Variants in AKAP8L observed in about 807,000 individuals in gnomAD.
AKAP8L encodes A-kinase anchoring protein 8 like.
AKAP8L carries 34 observed loss-of-function variants against 77.5 expected under a neutral mutation model. The observed-to-expected ratio is 0.44, with a 90% CI of 0.33 to 0.58. The LOEUF is 0.58. AKAP8L is among the 20% of genes least tolerant of loss of function. The pLI, the probability that AKAP8L is intolerant of heterozygous loss-of-function variation, is 0.02. For synonymous variants in AKAP8L, 342 were observed against 340.7 expected, an observed-to-expected ratio of 1.00 and a Z score of -0.04; for missense variants, 806 against 887.6, an observed-to-expected ratio of 0.91 and a Z score of 1.17.
At chr19:15,391,602 G>C (rs1051042221) in intron 12 of AKAP8L, among the ~76,000 whole-genome samples, 1 of 145,016 alleles carries the variant, frequency 6.9e-6, no homozygotes, top group Non-Finnish European at 1.5e-5. Context: ...GCAGTGGTGC[G>C]ATCTCAGCTC....
chr19:15,394,946 G>A (rs1967738131), intron 12 of AKAP8L, among the ~76,000 whole-genome samples: 1 of 132,854 alleles, frequency 7.5e-6, no homozygotes, highest in African/African-American at 3.0e-5. Context: ...GTTACCAGCT[G>A]CTATGGCTTG....
At chr19:15,392,158 T>A (rs573545849) in intron 12 of AKAP8L, among the ~76,000 whole-genome samples, 1 of 152,364 alleles carries the variant, frequency 6.6e-6, no homozygotes, top group South Asian at 2.1e-4. Flanking sequence ...ATTAAAATTA[T>A]GAAATATTAA....
At chr19:15,388,904 A>AG (rs1599593100) in intron 12 of AKAP8L, among the ~76,000 whole-genome samples, 1 of 148,224 alleles carries the variant, frequency 6.7e-6, no homozygotes, top group African/African-American at 2.5e-5. Flanking sequence ...CGACAGAGCT[A>AG]GACTCCATCT....
At position 15,403,476 on chromosome 19, in the gene AKAP8L, T is replaced by G; in HGVS notation, c.361A>C (p.Arg121=). 1 of 1,613,868 alleles carries G rather than the reference T, an allele frequency of 6.2e-7. No individual in the cohort carries two copies. Among genetic ancestry groups the G allele is most frequent in the Non-Finnish European group, 8.5e-7 (1 of 1,179,846 alleles). Residue 121 remains arginine (R), a splice_region_variant and synonymous_variant, in exon 4 of 14, where the codon AGG becomes CGG. Transcript: ENST00000397410. The surrounding 1 kb of genome is among the most constrained non-coding windows in gnomAD (Gnocchi z 4.3). ...QGGVYGSGGE[R]YDSYESCDSR... ...ACCCCTAGGCAGGTGTCCACTCACC[T>G]TTCTCCACCTGAGCCGTACACGCCT...
In AKAP8L at chr19:15,380,326, C is replaced by G. The variant is rs929912077; in HGVS notation, c.1737G>C (p.Ser579=). ...GCGCCGGCACGCCCTCTGCGCCCTC[C>G]GAGATCCCTGCCGCTTCGCCCTGCG... ...EGAQGEAAGI[S]EGAEGVPAQP... Residue 579 remains serine, a synonymous_variant, in exon 14 of 14, where the codon TCG becomes TCC. Transcript: ENST00000397410. 7.1e-6 allele frequency: 11 copies of G among 1,539,294 alleles called. No homozygotes were observed. Among genetic ancestry groups the G allele is most frequent in the African/African-American group, 4.1e-5 (3 of 73,188 alleles).
At chr19:15,412,382 AAAAT>A (rs1968121865) in intron 1 of AKAP8L, among the ~76,000 whole-genome samples, 1 of 152,200 alleles carries the variant, frequency 6.6e-6, no homozygotes, top group South Asian at 2.1e-4. Flanking sequence ...ACTCCATCTC[AAAAT>A]AAATAAATAA....
rs1176423489 is a variant in AKAP8L, at chr19:15,403,666, G to C, written c.171C>G (p.Thr57=). 3.1e-6 allele frequency: 5 copies of C among 1,611,890 alleles called. No individual in the cohort carries two copies. The African/African-American group carries it at 6.7e-5, about 22-fold the overall frequency. Residue 57 remains threonine, a synonymous_variant, in exon 4 of 14, where the codon ACC becomes ACG. Transcript: ENST00000397410. This position sits in a 1 kb window ranked among gnomAD's most constrained non-coding sequence, Gnocchi z 4.3. ...YGYGYGQDNT[T]NYGYGMATSH... is the part of the protein sequence containing the mutation. ...AAGTGGCCATACCATACCCATAGTT[G>C]GTGGTGTTATCCTGGCCATAGCCAT... is the stretch of plus-strand genomic sequence containing the variant.
intron 12 of AKAP8L, chr19:15,383,408 T>C (rs1262749930): frequency 6.6e-6 from 1 of 152,178 alleles, no homozygotes; most frequent in Non-Finnish European, 1.5e-5. Context: ...GAGATCTCAC[T>C]ATGGTCAGGA....
In AKAP8L at chr19:15,399,978, C is replaced by T. The variant is rs1420583586; in HGVS notation, c.1048+317G>A. 17 of 475,754 alleles carry T rather than the reference C, an allele frequency of 3.6e-5. No individual in the cohort carries two copies. Among genetic ancestry groups the T allele is most frequent in the South Asian group, 3.2e-4 (13 of 40,136 alleles). The allele number at this position is 475,754 out of a possible 1,614,324, so 29.5% of individuals were successfully genotyped here. ...ACCAGCCACTGAGGACTTGGAACTG[C>T]GCGTTACTGAGGGACCGAGGGCAGG... On this transcript the variant is annotated intron_variant, in intron 8 of 13. Transcript: ENST00000397410. This position sits in a 1 kb window ranked among gnomAD's most constrained non-coding sequence, Gnocchi z 6.1.
chr19:15,398,680 C>T lies in AKAP8L; in HGVS notation c.1157+622G>A. 2.0e-6 allele frequency: 2 copies of T among 987,954 alleles called. No homozygotes were observed. The highest frequency in any genetic ancestry group is 2.4e-6 in the Non-Finnish European group (2 of 831,628). 61.2% of individuals were successfully genotyped at this position (987,954 alleles called of 1,614,324 possible). ...CACGGGGTCAGCTTTGTCTGGAGAG[C>T]CCAGGGGCCGGGCGCCGGCGAGGCT... On this transcript the variant is annotated intron_variant, in intron 9 of 13. Coordinates refer to ENST00000397410, the MANE Select transcript of AKAP8L (RefSeq NM_014371.4). This position sits in a 1 kb window ranked among gnomAD's most constrained non-coding sequence, Gnocchi z 9.2.
At chr19:15,384,836 AAG>A (rs773022927) in intron 12 of AKAP8L, among the ~76,000 whole-genome samples, 1 of 152,192 alleles carries the variant, frequency 6.6e-6, no homozygotes, top group Non-Finnish European at 1.5e-5. Flanking sequence ...TTTGCACATA[AAG>A]AGAGTTTGCA....
At position 15,398,813 on chromosome 19, in the gene AKAP8L, AGACAGGCCCGGCCT is replaced by A. The variant is rs1967829540; in HGVS notation, c.1157+475_1157+488del. 5.9e-6 allele frequency: 6 copies of A among 1,009,238 alleles called. No homozygotes were observed. The highest frequency in any genetic ancestry group is 7.1e-6 in the Non-Finnish European group (6 of 844,780). The allele number at this position is 1,009,238 out of a possible 1,614,324, so 62.5% of individuals were successfully genotyped here. A position where few individuals can be genotyped will look rare whatever the true frequency, so the allele number is the denominator to read the frequency against. On this transcript the variant is annotated intron_variant, in intron 9 of 13. Transcript: ENST00000397410. The surrounding 1 kb of genome is among the most constrained non-coding windows in gnomAD (Gnocchi z 9.2). Reference sequence around the variant, plus strand: ...CAAGGGGCGTGAAGGGCTCAGCCGCAGACAGGCCCGGCCTGACAGGGCCGGCGGGCAGGGCAGAA... The same window carrying A: ...CAAGGGGCGTGAAGGGCTCAGCCGCAGACAGGGCCGGCGGGCAGGGCAGAA...
rs1967942029 is a variant in AKAP8L at position 15,403,610 on chromosome 19, G to A, written c.227C>T (p.Thr76Ile). ...ACCCGAGGCACTAGTGTTTGCATTT[G>A]TGTCAGAGCTAGGCATTTCCCAAGA... The part of the protein sequence containing the change: ...SHSWEMPSSD[T>I]NANTSASGSA... The change falls in exon 4 of 14, where the codon ACA becomes ATA. Residue 76 changes from threonine to isoleucine, a missense_variant. Physicochemically the swap from Thr to Ile is moderately conservative, Grantham distance 89. Around this residue, in one of 2 missense-constraint regions of AKAP8L, gnomAD observed 580 missense variants for 694.1 expected, o/e 0.84. Transcript: ENST00000397410. This position sits in a 1 kb window ranked among gnomAD's most constrained non-coding sequence, Gnocchi z 4.3. The A allele has an allele frequency of 1.9e-6, 3 of 1,614,020 alleles. No individual in the cohort carries two copies. Among genetic ancestry groups the A allele is most frequent in the South Asian group, 2.2e-5 (2 of 91,082 alleles).
At position 15,414,563 on chromosome 19, in the gene AKAP8L, A is replaced by C. The variant is rs190999132; in HGVS notation, c.14-3969T>G. Among the ~76,000 whole-genome samples the C allele has an allele frequency of 4.0e-5, 6 of 151,652 alleles. No homozygotes were observed. In the East Asian group the frequency reaches 1.2e-3, roughly 29 times the overall value. On this transcript the variant is annotated intron_variant, in intron 1 of 13. Coordinates refer to ENST00000397410, the MANE Select transcript of AKAP8L (RefSeq NM_014371.4). Reference sequence around the variant, plus strand: ...GAGTGCAGTGGCACGATCTTGGCTCACTGCAAGCTCCGCCTCCTGGGGTCA... The same window carrying C: ...GAGTGCAGTGGCACGATCTTGGCTCCCTGCAAGCTCCGCCTCCTGGGGTCA...
chr19:15,418,655 C>G (rs752562249), intron 1 of AKAP8L, among the ~76,000 whole-genome samples: 1 of 152,174 alleles, frequency 6.6e-6, no homozygotes, highest in Non-Finnish European at 1.5e-5. Flanking sequence ...CGCTGAGGCC[C>G]GGACCCACGG....
chr19:15,400,201 G>C, intron 8 of AKAP8L, 94 bp downstream of exon 8: 1 of 1,349,682 alleles, frequency 7.4e-7, no homozygotes, highest in Non-Finnish European at 1.1e-6. Context: ...CCAACTGGCC[G>C]CATGTCTGCC....
intron 12 of AKAP8L, among the ~76,000 whole-genome samples, chr19:15,387,784 C>T (rs963007301): frequency 5.3e-5 from 8 of 152,170 alleles, no homozygotes; most frequent in African/African-American, 1.9e-4. Flanking sequence ...CATGGTGAAA[C>T]CCCGTCTCTA....
intron 12 of AKAP8L, among the ~76,000 whole-genome samples, chr19:15,389,431 C>T (rs1386891269): frequency 6.6e-6 from 1 of 152,048 alleles, no homozygotes; most frequent in Non-Finnish European, 1.5e-5. Context: ...CTTGAAGAAA[C>T]AATGGCTGAA....
Position 15,398,975 on chromosome 19 carries a change from C to T in AKAP8L, c.1157+327G>A. 1 of 394,622 alleles carries T rather than the reference C, an allele frequency of 2.5e-6. No homozygotes were observed. Among genetic ancestry groups the T allele is most frequent in the Non-Finnish European group, 4.5e-6 (1 of 223,574 alleles). 24.4% of individuals were successfully genotyped at this position (394,622 alleles called of 1,614,324 possible). A position where few individuals can be genotyped will look rare whatever the true frequency, so the allele number is the denominator to read the frequency against. On this transcript the variant is annotated intron_variant, in intron 9 of 13. Transcript: ENST00000397410. This position sits in a 1 kb window ranked among gnomAD's most constrained non-coding sequence, Gnocchi z 9.2. Reference sequence around the variant, plus strand: ...GACCTTGAGTCTCTGATGAGCTGGCCCCCTCCCTCAGGGGCATCAGGCCCC... The same window carrying T: ...GACCTTGAGTCTCTGATGAGCTGGCTCCCTCCCTCAGGGGCATCAGGCCCC...
Sources: gnomAD v4.1 joint callset for allele counts (sites outside exome capture counted in the v4.1 genomes callset) on GRCh38, gnomAD v4.1.1 for gene constraint, gnomAD v4.1.1 regional missense constraint, Gnocchi (gnomAD v3.1) non-coding constraint, MANE v1.5 for transcripts, NCBI Gene and HGNC (gene_info 2026-07-23, HGNC 2026-07-21) for gene names.